Variants in SLC7A2 observed in about 807,000 individuals in gnomAD.
The protein encoded by SLC7A2 is cationic amino acid transporter 2.
Under a neutral mutation model 58.9 loss-of-function variants are expected in SLC7A2, and 48 were observed. The ratio of observed to expected loss-of-function variants is 0.82; its 90% confidence interval spans 0.65 to 1.04. The LOEUF (loss-of-function observed/expected upper bound fraction) is 1.04, where lower values mean the gene tolerates loss of function less well. SLC7A2 is among the 50% of genes least tolerant of loss of function. The probability of loss-of-function intolerance (pLI) is 0.00; values close to 1 mark genes in which losing one functional copy is unlikely to be tolerated. For missense variants in SLC7A2, 1,029 were observed against 818.8 expected (o/e 1.26, Z -3.13); for synonymous variants, 363 against 314.5 (o/e 1.15, Z -1.63).
At chr8:17,504,977 A>T (rs1800305741) in intron 2 of SLC7A2, among the ~76,000 whole-genome samples, 1 of 152,116 alleles carries the variant, frequency 6.6e-6, no homozygotes, top group South Asian at 2.1e-4. Flanking sequence ...CTCTGTGGGA[A>T]AGAAGAACTC....
At chr8:17,505,910 C>G (rs971859890) in intron 2 of SLC7A2, among the ~76,000 whole-genome samples, 2 of 152,186 alleles carry the variant, frequency 1.3e-5, no homozygotes, top group Admixed American at 6.5e-5. Flanking sequence ...AAATAACTAA[C>G]CCATAGCGTT....
Position 17,560,373 on chromosome 8 carries a change from G to T in SLC7A2, c.1344G>T (p.Glu448Asp). Residue 448 changes from glutamate (E) to aspartate (D), a missense_variant, in exon 10 of 13, where the codon GAG (glutamate) becomes GAT (aspartate). Glu to Asp is a conservative substitution (Grantham distance 45). Transcript: ENST00000494857. ...LSYDQPKCSP[E>D]KDGLGSSPRV... Reference sequence around the variant, plus strand: ...ACGACCAGCCCAAATGTTCTCCTGAGAAAGATGGTCTGGGATCGTCTCCCA... The same window carrying T: ...ACGACCAGCCCAAATGTTCTCCTGATAAAGATGGTCTGGGATCGTCTCCCA... The T allele has an allele frequency of 6.2e-7, 1 of 1,614,152 alleles. No individual in the cohort carries two copies.
intron 2 of SLC7A2, among the ~76,000 whole-genome samples, chr8:17,516,588 G>A (rs1277334842): frequency 2.6e-5 from 4 of 152,342 alleles, no homozygotes; most frequent in Non-Finnish European, 5.9e-5. Context: ...AGACACATGG[G>A]TGGTAACTCG....
At chr8:17,528,180 A>G (rs1045271855) in intron 2 of SLC7A2, among the ~76,000 whole-genome samples, 2 of 152,260 alleles carry the variant, frequency 1.3e-5, no homozygotes, top group Middle Eastern at 3.4e-3. Flanking sequence ...GACAGGGAGG[A>G]GCAGACCCAG....
intron 2 of SLC7A2, among the ~76,000 whole-genome samples, chr8:17,518,732 A>G (rs1157624487): frequency 6.6e-6 from 1 of 152,214 alleles, no homozygotes; most frequent in Non-Finnish European, 1.5e-5. Flanking sequence ...ATTTATGGAG[A>G]GTCAGACAGA....
chr8:17,530,460 C>G (rs1247031024), intron 2 of SLC7A2, among the ~76,000 whole-genome samples: 1 of 152,090 alleles, frequency 6.6e-6, no homozygotes, highest in South Asian at 2.1e-4. Flanking sequence ...TAGCAACATG[C>G]AGGGCTAGAA....
intron 4 of SLC7A2, among the ~76,000 whole-genome samples, chr8:17,546,275 T>G (rs1384872462): frequency 6.6e-6 from 1 of 152,232 alleles, no homozygotes; most frequent in Non-Finnish European, 1.5e-5. Context: ...ACTCAGGTCT[T>G]GGCTCATTTG....
At chr8:17,525,109 A>G (rs549249111) in intron 2 of SLC7A2, among the ~76,000 whole-genome samples, 19 of 152,224 alleles carry the variant, frequency 1.2e-4, no homozygotes, top group African/African-American at 4.6e-4. Context: ...TCAGCCCACC[A>G]GATTAGTTTG....
At chr8:17,549,131 C>G (rs1409360554) in intron 5 of SLC7A2, among the ~76,000 whole-genome samples, 1 of 152,148 alleles carries the variant, frequency 6.6e-6, no homozygotes, top group Non-Finnish European at 1.5e-5. Flanking sequence ...CTCACCATCA[C>G]AAGAACAGCA....
intron 3 of SLC7A2, 46 bp downstream of exon 3, chr8:17,543,761 G>A (rs939591831): frequency 5.4e-6 from 8 of 1,490,578 alleles, no homozygotes; most frequent in African/African-American, 2.8e-5. Flanking sequence ...GGAAGAAATC[G>A]CAGCCCTGAG....
chr8:17,565,375 A>AGTGGGAGTGTGTATGTATGT lies in SLC7A2; in HGVS notation c.*233_*252dup. 1 of 523,850 alleles carries AGTGGGAGTGTGTATGTATGT rather than the reference A, an allele frequency of 1.9e-6. No homozygotes were observed. Among genetic ancestry groups the AGTGGGAGTGTGTATGTATGT allele is most frequent in the East Asian group, 3.2e-5 (1 of 31,382 alleles). The allele number at this position is 523,850 out of a possible 1,614,324, so 32.5% of individuals were successfully genotyped here. A position where few individuals can be genotyped will look rare whatever the true frequency, so the allele number is the denominator to read the frequency against. On this transcript the variant is annotated 3_prime_UTR_variant, in exon 13 of 13. Transcript: ENST00000494857. The stretch of plus-strand genomic sequence containing the variant: ...CATCAGTGATGAATAGCCCCCAAAC[A>AGTGGGAGTGTGTATGTATGT]GTGGGAGTGTGTATGTATGTGTGTA...
At chr8:17,553,105 A>C (rs574074284) in intron 7 of SLC7A2, among the ~76,000 whole-genome samples, 1 of 152,296 alleles carries the variant, frequency 6.6e-6, no homozygotes, top group South Asian at 2.1e-4. Context: ...AGCAGGCTGA[A>C]GTGCAGAGCA....
rs761414560 is a variant in SLC7A2 at position 17,561,974 on chromosome 8, C to G, written c.1535C>G (p.Thr512Ser). 5.6e-6 allele frequency: 9 copies of G among 1,614,098 alleles called. No individual in the cohort carries two copies. Among genetic ancestry groups the G allele is most frequent in the Middle Eastern group, 1.6e-4 (1 of 6,062 alleles). Residue 512 changes from threonine (T) to serine (S), a missense_variant, in exon 11 of 13, where the codon ACC becomes AGC. Physicochemically the swap from Thr to Ser is moderately conservative, Grantham distance 58. Coordinates refer to ENST00000494857, the MANE Select transcript of SLC7A2 (RefSeq NM_001370338.1). ...AFLVLGLSVL[T>S]TYGVHAITRL... ...CTCGTGTTGGGCCTGAGTGTCTTGA[C>G]CACTTACGGAGTTCATGCCATCACC...
intron 2 of SLC7A2, among the ~76,000 whole-genome samples, chr8:17,526,010 C>T (rs1253050560): frequency 6.6e-6 from 1 of 152,116 alleles, no homozygotes; most frequent in Non-Finnish European, 1.5e-5. Flanking sequence ...TGGACTCAAT[C>T]TCTATACCCT....
At position 17,565,052 on chromosome 8, in the gene SLC7A2, C is replaced by G. The variant is rs375243385; in HGVS notation, c.1883C>G (p.Ala628Gly). 3.9e-5 allele frequency: 63 copies of G among 1,613,708 alleles called. No individual in the cohort carries two copies. The highest frequency in any genetic ancestry group is 5.1e-5 in the Non-Finnish European group (60 of 1,179,864). The part of the protein sequence containing the change: ...EDAYPDNVHA[A>G]AEEKSAIQAN... ...GCTTATCCAGACAACGTTCATGCAG[C>G]AGCAGAAGAAAAATCTGCCATTCAA... is the stretch of plus-strand genomic sequence containing the variant. The change falls in exon 13 of 13, where the codon GCA becomes GGA. Residue 628 changes from alanine (A) to glycine (G), a missense_variant. By Grantham distance (60) the Ala-to-Gly change is moderately conservative. Transcript: ENST00000494857.
intron 7 of SLC7A2, 142 bp from the exon 8 acceptor site, chr8:17,554,417 TA>T (rs1347975888): frequency 4.7e-6 from 3 of 633,216 alleles, no homozygotes; most frequent in Non-Finnish European, 7.1e-6. Flanking sequence ...ATTTAAAAAA[TA>T]ATGACATAAT....
chr8:17,544,354 CTT>C lies in SLC7A2; in HGVS notation c.377-94_377-93del, dbSNP rs551338151. ...TGTATATGTGATTAAAATTTTCAAT[CTT>C]TTGTGAACTCATGTTTATCCTATAA... On this transcript the variant is annotated intron_variant, in intron 3 of 12. Transcript: ENST00000494857. 687 of 1,041,258 alleles carry C rather than the reference CTT, an allele frequency of 6.6e-4. 2 individuals are homozygous for C. The highest frequency in any genetic ancestry group is 6.0e-3 in the African/African-American group (378 of 63,068). 64.5% of individuals were successfully genotyped at this position (1,041,258 alleles called of 1,614,324 possible). A position where few individuals can be genotyped will look rare whatever the true frequency, so the allele number is the denominator to read the frequency against.
At chr8:17,496,509 T>G (rs964561247), upstream of SLC7A2, among the ~76,000 whole-genome samples, 1 of 152,168 alleles carries the variant, frequency 6.6e-6, no homozygotes, top group Non-Finnish European at 1.5e-5. Flanking sequence ...CTTCTGCTCT[T>G]GCTCCCCTGG....
chr8:17,522,721 C>T lies in SLC7A2; in HGVS notation c.-23+20419C>T, dbSNP rs558219362. Reference sequence around the variant, plus strand: ...TAGTGAGGGAAAGCTTCCTTTGTGACTTCTAGGAAGTACATTTTTTAAAAG... The same window carrying T: ...TAGTGAGGGAAAGCTTCCTTTGTGATTTCTAGGAAGTACATTTTTTAAAAG... On this transcript the variant is annotated intron_variant, in intron 2 of 12. Coordinates refer to ENST00000494857, the MANE Select transcript of SLC7A2 (RefSeq NM_001370338.1). Among the ~76,000 whole-genome samples the T allele has an allele frequency of 8.4e-5, 11 of 130,478 alleles. No homozygotes were observed. The South Asian group carries it at 2.6e-3, about 31-fold the overall frequency. The allele number at this position is 130,478 out of a possible 152,430, so 85.6% of individuals were successfully genotyped here. A position where few individuals can be genotyped will look rare whatever the true frequency, so the allele number is the denominator to read the frequency against.
Sources: allele counts gnomAD v4.1 joint callset (sites outside exome capture counted in the v4.1 genomes callset), GRCh38; gene constraint gnomAD v4.1.1; transcripts MANE v1.5; gene names NCBI Gene and HGNC (gene_info 2026-07-23, HGNC 2026-07-21).